The following VAV2 variants were observed in gnomAD, a reference collection of about 807,000 sequenced individuals.
The protein encoded by VAV2 is vav guanine nucleotide exchange factor 2.
Under a neutral mutation model 132.5 loss-of-function variants are expected in VAV2, and 67 were observed. The observed-to-expected ratio is 0.51, with a 90% confidence interval of 0.42 to 0.62. VAV2 has a LOEUF of 0.62. Ranked by LOEUF, VAV2 falls within the 20% of genes least tolerant of loss-of-function variation. VAV2 has a pLI of 0.00. For synonymous variants in VAV2, 492 were observed against 443.5 expected, an observed-to-expected ratio of 1.11 and a Z score of -1.37; for missense variants, 938 against 1,153.6, an observed-to-expected ratio of 0.81 and a Z score of 2.71.
Position 133,784,527 on chromosome 9 carries a change from C to T in VAV2, c.1533-109G>A, listed in dbSNP as rs1036009098. On this transcript the variant is annotated intron_variant, in intron 17 of 29. Coordinates refer to ENST00000371850, the MANE Select transcript of VAV2 (RefSeq NM_001134398.2). ...CTCCGGACCCAGGCTGTGCAGAATC[C>T]GAGAGGGCCTGGACTCCAAGCCTGG... 1.2e-5 allele frequency: 14 copies of T among 1,208,168 alleles called. No individual in the cohort carries two copies. In the Admixed American group the frequency reaches 1.4e-4, roughly 12 times the overall value. The allele number at this position is 1,208,168 out of a possible 1,614,324, so 74.8% of individuals were successfully genotyped here.
chr9:133,852,893 T>C (rs1837241130), intron 3 of VAV2, among the ~76,000 whole-genome samples: 3 of 152,256 alleles, frequency 2.0e-5, no homozygotes, highest in South Asian at 4.1e-4. Flanking sequence ...GCCATTTCTG[T>C]GCTACACATA....
In VAV2 at chr9:133,769,368, G is replaced by T; in HGVS notation, c.2434+49C>A. ...GGCAGCTCCGTGCTGGGTCTCCCAA[G>T]GCAGCTGCCACAGGCCCGGTCCCCC... On this transcript the variant is annotated intron_variant, in intron 28 of 29. Transcript: ENST00000371850. The surrounding 1 kb of genome is among the most constrained non-coding windows in gnomAD (Gnocchi z 8.1). The T allele has an allele frequency of 6.4e-7, 1 of 1,561,592 alleles. No individual in the cohort carries two copies. The highest frequency in any genetic ancestry group is 1.2e-5 in the South Asian group (1 of 84,968).
chr9:133,966,896 T>A (rs381017), intron 1 of VAV2, among the ~76,000 whole-genome samples: 2 of 150,946 alleles, frequency 1.3e-5, no homozygotes, highest in African/African-American at 2.4e-5. Flanking sequence ...TCAGTTGGGC[T>A]TGGTGGCGGG....
At chr9:133,979,230 T>G (rs932573588) in intron 1 of VAV2, among the ~76,000 whole-genome samples, 1 of 152,180 alleles carries the variant, frequency 6.6e-6, no homozygotes, top group African/African-American at 2.4e-5. Flanking sequence ...AGCCGGGTCC[T>G]CGGCCAACCC....
chr9:133,772,103 C>G (rs1833651178), intron 25 of VAV2, 57 bp from the exon 26 acceptor site: 49 of 1,349,484 alleles, frequency 3.6e-5, no homozygotes, highest in Non-Finnish European at 4.5e-5. Context: ...GCCCCGGCCC[C>G]CTTGGCAGCC....
chr9:133,831,443 A>G (rs1251620817), intron 4 of VAV2, among the ~76,000 whole-genome samples: 2 of 149,622 alleles, frequency 1.3e-5, no homozygotes, highest in African/African-American at 2.5e-5. Flanking sequence ...TCTCAAAAAA[A>G]GAAAAAAAAA....
chr9:133,966,437 G>A, intron 1 of VAV2, among the ~76,000 whole-genome samples: 1 of 152,226 alleles, frequency 6.6e-6, no homozygotes, highest in Non-Finnish European at 1.5e-5. Context: ...CCAGCGAGGT[G>A]GCTCATGCCT....
chr9:133,798,075 C>T (rs897196116), intron 9 of VAV2, among the ~76,000 whole-genome samples: 1 of 152,186 alleles, frequency 6.6e-6, no homozygotes, highest in Admixed American at 6.5e-5. Context: ...AGGTCAGGTC[C>T]CGGCTGGGAT....
intron 2 of VAV2, among the ~76,000 whole-genome samples, chr9:133,882,860 A>AC (rs1013703309): frequency 7.2e-5 from 11 of 152,238 alleles, no homozygotes; most frequent in African/African-American, 2.6e-4. Context: ...CTGAGACAGG[A>AC]CCCCCAGGGA....
intron 2 of VAV2, among the ~76,000 whole-genome samples, chr9:133,932,969 A>C (rs888460225): frequency 6.6e-6 from 1 of 152,142 alleles, no homozygotes; most frequent in Non-Finnish European, 1.5e-5. Context: ...AACCCTCTAC[A>C]CCTGTCCCAA....
rs2132071912 is a variant in VAV2, at chr9:133,919,463, C to G, written c.321+19640G>C. Among the ~76,000 whole-genome samples the G allele has an allele frequency of 6.6e-6, 1 of 152,290 alleles. No homozygotes were observed. The highest frequency in any genetic ancestry group is 3.4e-3 in the Middle Eastern group (1 of 294). ...GCCCTGGGTGAGGGGTTCCAGGAGC[C>G]CAGGTGTCCCGGCTCCCAGCCCAGG... On this transcript the variant is annotated intron_variant, in intron 2 of 29. Coordinates refer to ENST00000371850, the MANE Select transcript of VAV2 (RefSeq NM_001134398.2). The surrounding 1 kb of genome is among the most constrained non-coding windows in gnomAD (Gnocchi z 5.8).
At chr9:133,910,823 CAAAAA>C (rs60841450) in intron 2 of VAV2, among the ~76,000 whole-genome samples, 2 of 100,570 alleles carry the variant, frequency 2.0e-5, no homozygotes, top group Admixed American at 1.1e-4. Context: ...GACTCGGTCT[CAAAAA>C]AAAAAAAAAG....
At chr9:133,767,911 T>C (rs1292630619) in intron 29 of VAV2, among the ~76,000 whole-genome samples, 1 of 152,074 alleles carries the variant, frequency 6.6e-6, no homozygotes, top group East Asian at 1.9e-4. Flanking sequence ...GCCACAGACA[T>C]ATGCAGAATC....
intron 2 of VAV2, among the ~76,000 whole-genome samples, chr9:133,914,600 C>T (rs1424042675): frequency 9.2e-6 from 1 of 108,416 alleles, no homozygotes; most frequent in Non-Finnish European, 1.8e-5. Context: ...TGTGTGTATT[C>T]CTACCACCAG....
chr9:133,940,458 C>T (rs1048946617), intron 1 of VAV2, among the ~76,000 whole-genome samples: 6 of 152,132 alleles, frequency 3.9e-5, no homozygotes. Context: ...AGCCTAAGAG[C>T]GTAAACCAAG....
chr9:133,845,367 G>T (rs1836891696), intron 3 of VAV2, among the ~76,000 whole-genome samples: 1 of 152,224 alleles, frequency 6.6e-6, no homozygotes, highest in Non-Finnish European at 1.5e-5. Context: ...CTCGGAAGCT[G>T]GGAGCTGCAG....
intron 2 of VAV2, 23 bp from the exon 3 acceptor site, chr9:133,861,455 C>G (rs1837592923): frequency 6.2e-7 from 1 of 1,611,106 alleles, no homozygotes; most frequent in African/African-American, 1.3e-5. Flanking sequence ...AGAAGAGACG[C>G]TCCTGTAATT....
At position 133,826,687 on chromosome 9, in the gene VAV2, C is replaced by T. The variant is rs990366235; in HGVS notation, c.449+7585G>A. Among the ~76,000 whole-genome samples the T allele has an allele frequency of 6.6e-6, 1 of 152,202 alleles. No homozygotes were observed. The highest frequency in any genetic ancestry group is 2.4e-5 in the African/African-American group (1 of 41,440). On this transcript the variant is annotated intron_variant, in intron 4 of 29. Coordinates refer to ENST00000371850, the MANE Select transcript of VAV2 (RefSeq NM_001134398.2). The surrounding 1 kb of genome is among the most constrained non-coding windows in gnomAD (Gnocchi z 4.2). The stretch of plus-strand genomic sequence containing the variant: ...AAGCGGTGGCTAAATAAAGCTTGGT[C>T]TCATGTCCATGTCCTTCCTTTGGCC...
intron 3 of VAV2, among the ~76,000 whole-genome samples, chr9:133,850,840 T>C (rs1375902066): frequency 6.6e-6 from 1 of 152,244 alleles, no homozygotes; most frequent in Non-Finnish European, 1.5e-5. Flanking sequence ...TTCTCTCATC[T>C]TGACACAAGT....
Sources: allele counts gnomAD v4.1 joint callset (sites outside exome capture counted in the v4.1 genomes callset), GRCh38; gene constraint gnomAD v4.1.1; non-coding constraint Gnocchi (gnomAD v3.1); transcripts MANE v1.5; gene names NCBI Gene and HGNC (gene_info 2026-07-23, HGNC 2026-07-21).